The following PLAT variants were observed in gnomAD, a reference collection of about 807,000 sequenced individuals.
PLAT encodes tissue-type plasminogen activator.
PLAT carries 48 observed loss-of-function variants against 74.9 expected under a neutral mutation model. The observed-to-expected ratio is 0.64, with a 90% CI of 0.51 to 0.82. The LOEUF is 0.82. Ranked by LOEUF, PLAT falls within the 40% of genes least tolerant of loss-of-function variation. The probability of loss-of-function intolerance (pLI) is 0.00; values close to 1 mark genes in which losing one functional copy is unlikely to be tolerated. For missense variants in PLAT, 673 were observed against 736.2 expected (o/e 0.91, Z 0.99); for synonymous variants, 307 against 294.4 (o/e 1.04, Z -0.44).
rs749127377 is a variant in PLAT, at chr8:42,180,072, A to G, written c.1223-6T>C. 1.2e-6 allele frequency: 2 copies of G among 1,601,800 alleles called. No individual in the cohort carries two copies. The highest frequency in any genetic ancestry group is 1.7e-5 in the Admixed American group (1 of 59,320). ...CGATTTCAGCTGCAGCAGCGCTGGG[A>G]GGGAGAAAGGAGGAGTGAGCTGGCG... On this transcript the variant is annotated splice_polypyrimidine_tract_variant and splice_region_variant and intron_variant, in intron 11 of 13. Transcript: ENST00000220809.
At position 42,175,244 on chromosome 8, in the gene PLAT, CTG is replaced by C. The variant is rs756344354; in HGVS notation, c.*747_*748del. ...CCATTCCACTCTGATTTTGGAAAAACTGTGAAAAATATATCTGAATTTATTAA... is the reference window on the plus strand; with the variant it reads ...CCATTCCACTCTGATTTTGGAAAAACTGAAAAATATATCTGAATTTATTAA... On this transcript the variant is annotated 3_prime_UTR_variant, in exon 14 of 14. Coordinates refer to ENST00000220809, the MANE Select transcript of PLAT (RefSeq NM_000930.5). 20 of 152,164 alleles carry C rather than the reference CTG, an allele frequency of 1.3e-4. No homozygotes were observed. The highest frequency in any genetic ancestry group is 1.3e-4 in the Non-Finnish European group (9 of 68,024). 9.4% of individuals were successfully genotyped at this position (152,164 alleles called of 1,614,324 possible).
chr8:42,204,713 T>TAAAAAAA (rs76761892), intron 1 of PLAT, among the ~76,000 whole-genome samples: 1 of 122,122 alleles, frequency 8.2e-6, no homozygotes, highest in African/African-American at 3.0e-5. Context: ...GACTCCATCT[T>TAAAAAAA]AAAAAAAAAA....
chr8:42,182,228 C>G, intron 8 of PLAT: 1 of 466,782 alleles, frequency 2.1e-6, no homozygotes, highest in Non-Finnish European at 3.9e-6. Flanking sequence ...CCATTTTCAG[C>G]CACATCACAG....
rs1804948583 is a variant in PLAT at position 42,175,880 on chromosome 8, C to A, written c.*113G>T. ...TCTCCTGTAGGGTCTCGTCCCGCTT[C>A]TGCGGTGTGGTGGGTCTGGAGAAGT... is the stretch of plus-strand genomic sequence containing the variant. On this transcript the variant is annotated 3_prime_UTR_variant, in exon 14 of 14. Transcript: ENST00000220809. 2.0e-6 allele frequency: 2 copies of A among 1,012,686 alleles called. No individual in the cohort carries two copies. The highest frequency in any genetic ancestry group is 3.0e-6 in the Non-Finnish European group (2 of 670,452). The allele number at this position is 1,012,686 out of a possible 1,614,324, so 62.7% of individuals were successfully genotyped here.
chr8:42,186,327 T>G (rs1805457090), intron 6 of PLAT: 1 of 152,156 alleles, frequency 6.6e-6, no homozygotes, highest in Admixed American at 6.5e-5. Context: ...GCGTATCTGA[T>G]TGCTTCCTCT....
chr8:42,200,206 T>C (rs1806073929), intron 1 of PLAT, among the ~76,000 whole-genome samples: 1 of 152,166 alleles, frequency 6.6e-6, no homozygotes, highest in Non-Finnish European at 1.5e-5. Context: ...GAGGCAATAT[T>C]ATTACCTCGT....
intron 1 of PLAT, among the ~76,000 whole-genome samples, chr8:42,194,951 C>T (rs942480519): frequency 6.6e-6 from 1 of 152,216 alleles, no homozygotes; most frequent in Non-Finnish European, 1.5e-5. Flanking sequence ...CCATCTGCCT[C>T]TCCTCTGTGA....
Position 42,179,921 on chromosome 8 carries a change from C to T in PLAT, c.1363+5G>A. ...AGGATGGGGCCGAGACTTCCTTCCA[C>T]TTACAGGCCTCATGCTTGCCGTAGC... On this transcript the variant is annotated splice_donor_5th_base_variant and intron_variant, in intron 12 of 13. Transcript: ENST00000220809. The T allele has an allele frequency of 1.3e-6, 2 of 1,583,816 alleles. No homozygotes were observed. Among genetic ancestry groups the T allele is most frequent in the Middle Eastern group, 1.7e-4 (1 of 5,944 alleles).
intron 9 of PLAT, among the ~76,000 whole-genome samples, 182 bp downstream of exon 9, chr8:42,181,755 A>T (rs893451111): frequency 9.4e-6 from 1 of 106,758 alleles, no homozygotes; most frequent in Non-Finnish European, 1.9e-5. Flanking sequence ...ACCCCCATGC[A>T]TGGGTCATGG....
Position 42,182,770 on chromosome 8 carries a change from G to T in PLAT, c.752C>A (p.Ala251Glu). The T allele has an allele frequency of 6.2e-7, 1 of 1,613,692 alleles. No individual in the cohort carries two copies. The highest frequency in any genetic ancestry group is 8.5e-7 in the Non-Finnish European group (1 of 1,179,738). ...SMILIGKVYT[A>E]QNPSAQALGL... The stretch of plus-strand genomic sequence containing the variant: ...CAGTGCCTGGGCACTGGGGTTCTGT[G>T]CTGTGTAAACCTTGCCTATCAGGAT... The change falls in exon 8 of 14, where the codon GCA becomes GAA. Residue 251 changes from alanine to glutamate, a missense_variant. Physicochemically the swap from Ala to Glu is moderately radical, Grantham distance 107 (BLOSUM62 -1). Coordinates refer to ENST00000220809, the MANE Select transcript of PLAT (RefSeq NM_000930.5).
chr8:42,179,028 G>A lies in PLAT; in HGVS notation c.1399C>T (p.His467Tyr), dbSNP rs1805097795. Residue 467 changes from histidine (H) to tyrosine (Y), a missense_variant, in exon 13 of 14, where the codon CAT becomes TAT. Physicochemically the swap from His to Tyr is moderately conservative, Grantham distance 83. Coordinates refer to ENST00000220809, the MANE Select transcript of PLAT (RefSeq NM_000930.5). ...CGGCTGGATGGGTACAGTCTGACAT[G>A]AGCCTCCTTCAGCCGCTCCGAATAG... is the stretch of plus-strand genomic sequence containing the variant. ...PFYSERLKEA[H>Y]VRLYPSSRCT... is the part of the protein sequence containing the mutation. The A allele has an allele frequency of 6.2e-7, 1 of 1,613,218 alleles. No individual in the cohort carries two copies. The highest frequency in any genetic ancestry group is 8.5e-7 in the Non-Finnish European group (1 of 1,179,248).
At chr8:42,186,802 CACCTATG>C (rs1418129794) in intron 6 of PLAT, 1 of 151,448 alleles carries the variant, frequency 6.6e-6, no homozygotes, top group African/African-American at 2.4e-5. Context: ...CATCTACTAT[CACCTATG>C]TATCTATCAT....
At chr8:42,185,657 T>C (rs890363626) in intron 6 of PLAT, 1 of 152,804 alleles carries the variant, frequency 6.5e-6, no homozygotes, top group Non-Finnish European at 1.5e-5. Context: ...AAGGATGGTT[T>C]AAGGAGATGC....
intron 3 of PLAT, among the ~76,000 whole-genome samples, chr8:42,190,003 C>T (rs1416584853): frequency 6.6e-6 from 1 of 151,906 alleles, no homozygotes; most frequent in Non-Finnish European, 1.5e-5. Context: ...CTCTGCCTCC[C>T]AGGCTCAAGC....
In PLAT at chr8:42,190,135, T is replaced by C. The variant is rs367559822; in HGVS notation, c.116-1064A>G. On this transcript the variant is annotated intron_variant, in intron 3 of 13. Transcript: ENST00000220809. ...TGGGGGAGGCAGAGGTGTCTCACTATGTTGCCCATGCTGGTCTTGAACTCC... is the reference window on the plus strand; with the variant it reads ...TGGGGGAGGCAGAGGTGTCTCACTACGTTGCCCATGCTGGTCTTGAACTCC... Among the ~76,000 whole-genome samples the C allele has an allele frequency of 3.0e-4, 45 of 152,228 alleles. No individual in the cohort carries two copies. The East Asian group carries it at 3.9e-3, about 13-fold the overall frequency.
intron 1 of PLAT, among the ~76,000 whole-genome samples, chr8:42,197,182 GAGTGC>G (rs1399271635): frequency 6.6e-6 from 1 of 152,216 alleles, no homozygotes; most frequent in African/African-American, 2.4e-5. Flanking sequence ...TTGGCTGATA[GAGTGC>G]AGCCCGGATC....
Position 42,192,209 on chromosome 8 carries a change from G to A in PLAT, c.73-795C>T, listed in dbSNP as rs559424085. ...TGTAGAGACAGCATCTCACTATATT[G>A]CCCAGACTGGTCTCCAACTCCTGGG... On this transcript the variant is annotated intron_variant, in intron 2 of 13. Coordinates refer to ENST00000220809, the MANE Select transcript of PLAT (RefSeq NM_000930.5). Among the ~76,000 whole-genome samples, 57 of 151,840 alleles carry A rather than the reference G, an allele frequency of 3.8e-4. 1 individual carries two copies. The South Asian group carries it at 0.012, about 32-fold the overall frequency.
chr8:42,198,217 C>T (rs959963983), intron 1 of PLAT, among the ~76,000 whole-genome samples: 1 of 151,972 alleles, frequency 6.6e-6, no homozygotes, highest in Non-Finnish European at 1.5e-5. Context: ...TGGCCAGGCA[C>T]AGTGGCTCAC....
At chr8:42,195,444 G>A (rs1587941582) in intron 1 of PLAT, among the ~76,000 whole-genome samples, 1 of 152,210 alleles carries the variant, frequency 6.6e-6, no homozygotes, top group Non-Finnish European at 1.5e-5. Context: ...CCCATCAGGA[G>A]GGAACAGAAG....
Sources: gnomAD v4.1 joint callset for allele counts (sites outside exome capture counted in the v4.1 genomes callset) on GRCh38, gnomAD v4.1.1 for gene constraint, MANE v1.5 for transcripts, NCBI Gene and HGNC (gene_info 2026-07-23, HGNC 2026-07-21) for gene names.